BCAR3: variants seen among roughly 807,000 people sequenced by gnomAD.
BCAR3 encodes breast cancer anti-estrogen resistance protein 3.
Under a neutral mutation model 80.1 loss-of-function variants are expected in BCAR3, and 37 were observed. The observed-to-expected ratio is 0.46, with a 90% CI of 0.36 to 0.61. BCAR3 has a LOEUF of 0.61. BCAR3 is among the 20% of genes least tolerant of loss of function. The pLI, the probability that BCAR3 is intolerant of heterozygous loss-of-function variation, is 0.00. For missense variants in BCAR3, 978 were observed against 1,068.2 expected (o/e 0.92, Z 1.18); for synonymous variants, 389 against 418.9 (o/e 0.93, Z 0.87).
intron 3 of BCAR3, among the ~76,000 whole-genome samples, chr1:93,641,614 A>G (rs1332153202): frequency 6.6e-5 from 10 of 152,222 alleles, no homozygotes; most frequent in Non-Finnish European, 1.5e-4. Flanking sequence ...GAAGAAATAC[A>G]TTATTTAGAA....
chr1:93,642,043 C>T (rs950282814), intron 3 of BCAR3, among the ~76,000 whole-genome samples: 2 of 152,148 alleles, frequency 1.3e-5, no homozygotes, highest in African/African-American at 4.8e-5. Context: ...TATTACCTTT[C>T]TGGAAAACAA....
chr1:93,600,162 T>C (rs1674576004), intron 3 of BCAR3, among the ~76,000 whole-genome samples: 1 of 152,260 alleles, frequency 6.6e-6, no homozygotes, highest in Non-Finnish European at 1.5e-5. Context: ...TTTTCATTCA[T>C]GCCAGGGTTC....
At chr1:93,619,303 G>T (rs578229331) in intron 3 of BCAR3, among the ~76,000 whole-genome samples, 25 of 152,040 alleles carry the variant, frequency 1.6e-4, no homozygotes, top group Non-Finnish European at 2.9e-4. Flanking sequence ...GGATGAGGAA[G>T]GGGCTTTACT....
intron 2 of BCAR3, among the ~76,000 whole-genome samples, chr1:93,764,755 G>T (rs1652081898): frequency 1.3e-5 from 2 of 152,140 alleles, no homozygotes; most frequent in Non-Finnish European, 2.9e-5. Flanking sequence ...TTCAGTGTGG[G>T]GGACCTGGTC....
chr1:93,837,561 C>T (rs759155971), intron 2 of BCAR3, among the ~76,000 whole-genome samples: 9 of 152,188 alleles, frequency 5.9e-5, no homozygotes, highest in African/African-American at 9.6e-5. Context: ...ATTCTCAGTT[C>T]GAATTACTTT....
chr1:93,716,666 G>T (rs182074679), intron 2 of BCAR3, among the ~76,000 whole-genome samples: 3 of 152,370 alleles, frequency 2.0e-5, no homozygotes, highest in Non-Finnish European at 4.4e-5. Flanking sequence ...GGTGCCTCAT[G>T]AGCAGGTGAC....
chr1:93,595,393 A>G (rs1458364819), intron 3 of BCAR3, among the ~76,000 whole-genome samples: 4 of 152,242 alleles, frequency 2.6e-5, no homozygotes, highest in Non-Finnish European at 4.4e-5. Flanking sequence ...AAGGTTTTCC[A>G]TTTCCAGCCA....
intron 2 of BCAR3, among the ~76,000 whole-genome samples, chr1:93,773,226 G>T (rs1471521955): frequency 1.3e-5 from 2 of 152,180 alleles, no homozygotes; most frequent in Middle Eastern, 3.2e-3. Context: ...CACAGGGATG[G>T]CATTACAAGT....
chr1:93,664,174 C>G (rs1557645432), intron 2 of BCAR3, among the ~76,000 whole-genome samples: 3 of 152,190 alleles, frequency 2.0e-5, no homozygotes, highest in African/African-American at 7.2e-5. Flanking sequence ...GGCTGGAGTG[C>G]AATGGCAGGA....
intron 3 of BCAR3, among the ~76,000 whole-genome samples, chr1:93,629,769 T>C (rs925003595): frequency 1.3e-5 from 2 of 152,188 alleles, no homozygotes; most frequent in Admixed American, 6.5e-5. Flanking sequence ...AAAGAGTAGA[T>C]AGGTCTAAGT....
chr1:93,777,423 CTCT>C (rs1369775883), intron 2 of BCAR3, among the ~76,000 whole-genome samples: 1 of 127,020 alleles, frequency 7.9e-6, no homozygotes, highest in Non-Finnish European at 1.7e-5. Flanking sequence ...CTTCCTCCTC[CTCT>C]TCCTCCTCCT....
chr1:93,563,376 T>TAATC (rs142885084), intron 11 of BCAR3, among the ~76,000 whole-genome samples: 3,348 of 152,334 alleles, frequency 0.022, 106 homozygotes, highest in African/African-American at 0.076. Context: ...TGTTGCATGC[T>TAATC]AATCATTCTT....
At chr1:93,653,230 T>C (rs571893023) in intron 2 of BCAR3, among the ~76,000 whole-genome samples, 83 of 152,238 alleles carry the variant, frequency 5.5e-4, no homozygotes, top group Non-Finnish European at 9.3e-4. Context: ...GCCAAACAAA[T>C]GTTTTTAGAT....
At chr1:93,771,583 G>A (rs1353796758) in intron 2 of BCAR3, among the ~76,000 whole-genome samples, 1 of 152,188 alleles carries the variant, frequency 6.6e-6, no homozygotes, top group African/African-American at 2.4e-5. Flanking sequence ...TAAATACCTA[G>A]AAGCTGCTAA....
At chr1:93,705,298 G>C (rs1249344858) in intron 3 of BCAR3, among the ~76,000 whole-genome samples, 1 of 152,148 alleles carries the variant, frequency 6.6e-6, no homozygotes, top group Non-Finnish European at 1.5e-5. Flanking sequence ...TTTACCCTGT[G>C]ACATTGACTT....
In BCAR3 at chr1:93,660,053, CGT is replaced by C. The variant is rs76729025; in HGVS notation, c.317+14559_317+14560del. 3.3e-3 allele frequency among the ~76,000 whole-genome samples: 486 copies of C among 146,730 alleles called. 1 individual carries two copies. The highest frequency in any genetic ancestry group is 4.6e-3 in the African/African-American group (184 of 40,122). On this transcript the variant is annotated intron_variant, in intron 2 of 11. Transcript: ENST00000260502. The stretch of plus-strand genomic sequence containing the variant: ...ATGTATGTTGGTTTGAATAAATGAA[CGT>C]GTGTGTGTGTGTGTGTGTGTGTGTG...
chr1:93,715,862 A>T (rs779874768), intron 2 of BCAR3, among the ~76,000 whole-genome samples: 1 of 152,132 alleles, frequency 6.6e-6, no homozygotes. Flanking sequence ...GCCCTTTTTC[A>T]ATTTCTGTCA....
intron 3 of BCAR3, among the ~76,000 whole-genome samples, chr1:93,601,969 C>G (rs1356825939): frequency 6.6e-6 from 1 of 152,220 alleles, no homozygotes; most frequent in Non-Finnish European, 1.5e-5. Flanking sequence ...AAGTCCACAA[C>G]AGTCCAGGCC....
chr1:93,775,537 A>G (rs1163994857), intron 2 of BCAR3: 1 of 152,222 alleles, frequency 6.6e-6, no homozygotes, highest in Non-Finnish European at 1.5e-5. Flanking sequence ...GGCTTTTTTA[A>G]GAGATGCATA....
Sources: gnomAD v4.1 joint callset for allele counts (sites outside exome capture counted in the v4.1 genomes callset) on GRCh38, gnomAD v4.1.1 for gene constraint, MANE v1.5 for transcripts, NCBI Gene and HGNC (gene_info 2026-07-23, HGNC 2026-07-21) for gene names.